Variants in TMEM238L observed in about 807,000 individuals in gnomAD.
TMEM238L encodes transmembrane protein 238 like.
intron 1 of TMEM238L, among the ~76,000 whole-genome samples, chr17:10,798,964 C>CGGCAGCTTGTCTCTCTTGGAG (rs1396735510): frequency 1.3e-5 from 2 of 152,030 alleles, no homozygotes; most frequent in Non-Finnish European, 2.9e-5. Context: ...TAAAATCAAA[C>CGGCAGCTTGTCTCTCTTGGAG]GGCAGCTTGT....
intron 1 of TMEM238L, among the ~76,000 whole-genome samples, chr17:10,799,970 C>T (rs954833691): frequency 8.0e-5 from 12 of 150,536 alleles, no homozygotes; most frequent in African/African-American, 1.5e-4. Flanking sequence ...CTGGCTCTGT[C>T]GCCCAGGCTG....
chr17:10,802,079 G>A (rs1904763321), intron 1 of TMEM238L, among the ~76,000 whole-genome samples: 1 of 152,108 alleles, frequency 6.6e-6, no homozygotes, highest in African/African-American at 2.4e-5. Context: ...CACTGTGCCT[G>A]GTCCATGTGT....
chr17:10,804,003 G>A (rs893570583), exon 1 of TMEM238L: 9 of 399,646 alleles, frequency 2.3e-5, no homozygotes, highest in Non-Finnish European at 4.0e-5. Flanking sequence ...GCACTCCCGG[G>A]GGTGATTTGC....
At chr17:10,795,232 T>G (rs1050377209) in exon 2 of TMEM238L, 1 of 152,212 alleles carries the variant, frequency 6.6e-6, no homozygotes, top group Non-Finnish European at 1.5e-5. Flanking sequence ...AAGGACAGCA[T>G]AGCAGAGGCC....
rs138454264 is a variant in TMEM238L at position 10,800,866 on chromosome 17, C to T, written c.*118+2740G>A. ...CAATGAGGGAAGGCTGTTCAGGGCA[C>T]GGAGCCTCACACTGGGGACTCTGTG... On this transcript the variant is annotated intron_variant, in intron 1 of 1. Coordinates refer to ENST00000581851, the Ensembl canonical transcript of TMEM238L. Among the ~76,000 whole-genome samples the T allele has an allele frequency of 8.8e-4, 134 of 152,240 alleles. 1 individual carries two copies. The Middle Eastern group carries it at 0.031, about 35-fold the overall frequency.
chr17:10,799,038 CT>C (rs35804860), intron 1 of TMEM238L, among the ~76,000 whole-genome samples: 12,674 of 152,184 alleles, frequency 0.083, 590 homozygotes, highest in Middle Eastern at 0.16. Flanking sequence ...CTGGGGGTGC[CT>C]TTGAGGTTTA....
intron 1 of TMEM238L, among the ~76,000 whole-genome samples, chr17:10,801,947 A>T (rs1033959042): frequency 6.6e-6 from 1 of 151,996 alleles, no homozygotes; most frequent in African/African-American, 2.4e-5. Flanking sequence ...ATGCGTGGCT[A>T]ATTTTTTGTA....
At chr17:10,798,343 T>A (rs1162052801) in intron 1 of TMEM238L, among the ~76,000 whole-genome samples, 1 of 152,106 alleles carries the variant, frequency 6.6e-6, no homozygotes, top group Non-Finnish European at 1.5e-5. Context: ...AGATTAAAAA[T>A]CCCTGGAGAG....
chr17:10,804,054 C>G, exon 1 of TMEM238L: 1 of 402,642 alleles, frequency 2.5e-6, no homozygotes, highest in Non-Finnish European at 4.4e-6. Context: ...CCTTCTCTGC[C>G]TGCTGGGTGT....
intron 1 of TMEM238L, among the ~76,000 whole-genome samples, chr17:10,798,648 G>A (rs1372015821): frequency 6.6e-6 from 1 of 151,970 alleles, no homozygotes; most frequent in Non-Finnish European, 1.5e-5. Flanking sequence ...TTTGGTAGGT[G>A]TGAGTGTGTG....
intron 1 of TMEM238L, among the ~76,000 whole-genome samples, chr17:10,799,907 G>A (rs1313772127): frequency 6.6e-6 from 1 of 151,470 alleles, no homozygotes; most frequent in Non-Finnish European, 1.5e-5. Context: ...GCAGAACACA[G>A]TTTGAAACCT....
chr17:10,801,173 C>T (rs1904734009), intron 1 of TMEM238L, among the ~76,000 whole-genome samples: 1 of 152,066 alleles, frequency 6.6e-6, no homozygotes, highest in African/African-American at 2.4e-5. Context: ...GCCTCAGCCT[C>T]CCAAGTAGCT....
At chr17:10,801,924 G>A (rs1419663120) in intron 1 of TMEM238L, among the ~76,000 whole-genome samples, 1 of 152,158 alleles carries the variant, frequency 6.6e-6, no homozygotes, top group East Asian at 1.9e-4. Flanking sequence ...TGGGATTACA[G>A]GTGTGCATCA....
At chr17:10,798,562 G>A (rs537969665) in intron 1 of TMEM238L, among the ~76,000 whole-genome samples, 1 of 152,276 alleles carries the variant, frequency 6.6e-6, no homozygotes, top group South Asian at 2.1e-4. Context: ...AAGGCTCAAG[G>A]CTGTTAGCCT....
intron 1 of TMEM238L, among the ~76,000 whole-genome samples, chr17:10,801,575 A>C (rs7219419): frequency 0.9 from 137,355 of 152,214 alleles, 62,039 homozygotes; most frequent in Non-Finnish European, 0.91. Flanking sequence ...GGCATTCAGC[A>C]TAATATCACC....
chr17:10,797,917 C>A (rs1372179159), intron 1 of TMEM238L: 1 of 152,208 alleles, frequency 6.6e-6, no homozygotes, highest in Non-Finnish European at 1.5e-5. Flanking sequence ...GATCATGTTG[C>A]TCTCTAGTAT....
intron 1 of TMEM238L, among the ~76,000 whole-genome samples, chr17:10,800,819 G>A (rs1005947399): frequency 2.0e-5 from 3 of 152,112 alleles, no homozygotes; most frequent in Non-Finnish European, 2.9e-5. Flanking sequence ...GCTCTTCAAC[G>A]CCGGGCTATT....
At chr17:10,798,022 C>A (rs950083494) in intron 1 of TMEM238L, 4 of 152,174 alleles carry the variant, frequency 2.6e-5, no homozygotes, top group Non-Finnish European at 4.4e-5. Flanking sequence ...GACTCCAACC[C>A]CCAGGCAAAT....
rs561092762 is a variant in TMEM238L at position 10,803,680 on chromosome 17, C to G, written c.*44G>C. The G allele has an allele frequency of 2.9e-4, 115 of 398,652 alleles. 1 individual carries two copies. In the South Asian group the frequency reaches 8.6e-3, roughly 30 times the overall value. 24.7% of individuals were successfully genotyped at this position (398,652 alleles called of 1,614,324 possible). A position where few individuals can be genotyped will look rare whatever the true frequency, so the allele number is the denominator to read the frequency against. Reference sequence around the variant, plus strand: ...AAGAGCCCCAGGTTCACAGACATGTCTGCATACAGCACCTGCGTCTCTTCT... The same window carrying G: ...AAGAGCCCCAGGTTCACAGACATGTGTGCATACAGCACCTGCGTCTCTTCT... On this transcript the variant is annotated 3_prime_UTR_variant, in exon 1 of 2. Transcript: ENST00000581851.
Sources: allele counts gnomAD v4.1 joint callset (sites outside exome capture counted in the v4.1 genomes callset), GRCh38; gene constraint gnomAD v4.1.1; transcripts MANE v1.5; gene names NCBI Gene and HGNC (gene_info 2026-07-23, HGNC 2026-07-21).